The following PARD3 variants were observed in gnomAD, a reference collection of about 807,000 sequenced individuals.
PARD3 encodes par-3 family cell polarity regulator.
A neutral mutation model predicts 155.4 loss-of-function variants in PARD3; 75 were observed. That is an observed-to-expected ratio of 0.48 (90% confidence interval 0.40 to 0.58). The LOEUF (loss-of-function observed/expected upper bound fraction) is 0.58, where lower values mean the gene tolerates loss of function less well. PARD3 is among the 20% of genes least tolerant of loss of function. PARD3 has a pLI of 0.00. For missense variants in PARD3, 1,642 were observed against 1,721.7 expected, an observed-to-expected ratio of 0.95 and a Z score of 0.82; for synonymous variants, 576 against 610.5, an observed-to-expected ratio of 0.94 and a Z score of 0.83.
intron 5 of PARD3, among the ~76,000 whole-genome samples, chr10:34,445,789 A>T (rs2076707144): frequency 7.9e-6 from 1 of 126,900 alleles, no homozygotes; most frequent in African/African-American, 4.4e-5. Flanking sequence ...GCAGTATTTA[A>T]AAAAAAAAAA....
At chr10:34,225,390 G>C (rs1952538914) in intron 22 of PARD3, among the ~76,000 whole-genome samples, 1 of 151,602 alleles carries the variant, frequency 6.6e-6, no homozygotes, top group Non-Finnish European at 1.5e-5. Context: ...TTGTTGCCCA[G>C]GCTGGAGTGC....
rs779658592 is a variant in PARD3, at chr10:34,581,234, C to CT, written c.223-64076dup. On this transcript the variant is annotated intron_variant, in intron 2 of 24. Transcript: ENST00000374788. ...TTTTGGTTATTTTTCTTTTTCTTTT[C>CT]TTTTTTTTTTTTTTTTTTGAGACGG... is the stretch of plus-strand genomic sequence containing the variant. 7.6e-3 allele frequency among the ~76,000 whole-genome samples: 771 copies of CT among 101,212 alleles called. 42 individuals are homozygous for CT. The highest frequency in any genetic ancestry group is 0.017 in the South Asian group (50 of 2,916). The allele number at this position is 101,212 out of a possible 152,430, so 66.4% of individuals were successfully genotyped here.
intron 22 of PARD3, among the ~76,000 whole-genome samples, chr10:34,177,924 T>C (rs548716126): frequency 4.6e-5 from 7 of 152,344 alleles, no homozygotes; most frequent in African/African-American, 1.7e-4. Context: ...TTTCTTCAAC[T>C]GCTTCTCGCT....
At chr10:34,286,004 A>T (rs1299091299) in intron 20 of PARD3, among the ~76,000 whole-genome samples, 1 of 152,202 alleles carries the variant, frequency 6.6e-6, no homozygotes, top group African/African-American at 2.4e-5. Flanking sequence ...TGAAATCCAG[A>T]ATCTGACCAC....
chr10:34,294,967 CA>C (rs761216832), intron 20 of PARD3, among the ~76,000 whole-genome samples: 7 of 152,056 alleles, frequency 4.6e-5, no homozygotes, highest in Non-Finnish European at 8.8e-5. Flanking sequence ...CTTTGGGAGA[CA>C]GGGGTGGGAG....
chr10:34,190,711 C>T (rs985639351), intron 22 of PARD3, among the ~76,000 whole-genome samples: 1 of 152,086 alleles, frequency 6.6e-6, no homozygotes, highest in African/African-American at 2.4e-5. Context: ...ATGATAAATG[C>T]TGTAACCAGA....
chr10:34,661,375 G>A (rs1023377143), intron 2 of PARD3, among the ~76,000 whole-genome samples: 3 of 152,030 alleles, frequency 2.0e-5, no homozygotes, highest in Non-Finnish European at 4.4e-5. Context: ...AAAGTACCTC[G>A]GGACATTTAT....
chr10:34,482,539 T>C (rs1374365248), intron 3 of PARD3, among the ~76,000 whole-genome samples: 1 of 149,200 alleles, frequency 6.7e-6, no homozygotes, highest in Non-Finnish European at 1.5e-5. Context: ...TCAGGACAGG[T>C]AAAAGGCAAA....
At chr10:34,361,096 C>T (rs969942718) in intron 12 of PARD3, among the ~76,000 whole-genome samples, 2 of 152,228 alleles carry the variant, frequency 1.3e-5, no homozygotes. Context: ...AGAGGAAGCA[C>T]TCAGCCTTCT....
chr10:34,666,028 C>G (rs1011005186), intron 2 of PARD3, among the ~76,000 whole-genome samples: 14 of 151,744 alleles, frequency 9.2e-5, no homozygotes, highest in Non-Finnish European at 1.9e-4. Context: ...AGCTTGACAA[C>G]CAAGTGAGAC....
intron 2 of PARD3, among the ~76,000 whole-genome samples, chr10:34,645,787 G>A (rs968316395): frequency 4.6e-5 from 7 of 152,088 alleles, no homozygotes; most frequent in Non-Finnish European, 8.8e-5. Flanking sequence ...GTGGACAAAC[G>A]AAAGGTTATC....
chr10:34,773,809 A>G lies in PARD3; in HGVS notation c.120+41067T>C, dbSNP rs113471334. ...CCACTAGGCACTTAATGTTCTTCTCATAAACTTGATGGGGTTAAAGTGCCT... is the reference window on the plus strand; with the variant it reads ...CCACTAGGCACTTAATGTTCTTCTCGTAAACTTGATGGGGTTAAAGTGCCT... On this transcript the variant is annotated intron_variant, in intron 1 of 24. Coordinates refer to ENST00000374788, the MANE Select transcript of PARD3 (RefSeq NM_001184785.2). Among the ~76,000 whole-genome samples, 812 of 152,296 alleles carry G rather than the reference A, an allele frequency of 5.3e-3. 9 individuals are homozygous for G. The highest frequency in any genetic ancestry group is 0.019 in the African/African-American group (771 of 41,558).
At chr10:34,385,773 C>T (rs1274820009) in intron 7 of PARD3, among the ~76,000 whole-genome samples, 1 of 152,128 alleles carries the variant, frequency 6.6e-6, no homozygotes, top group African/African-American at 2.4e-5. Context: ...TATATACATA[C>T]CTTATCTCTA....
chr10:34,369,299 G>GATTT (rs762236370), intron 12 of PARD3, among the ~76,000 whole-genome samples: 16 of 134,826 alleles, frequency 1.2e-4, no homozygotes, highest in African/African-American at 4.5e-4. Flanking sequence ...AGATTTTTGT[G>GATTT]ATTTATTTAT....
chr10:34,429,389 C>CT lies in PARD3; in HGVS notation c.714+20927dup, dbSNP rs75681687. Among the ~76,000 whole-genome samples, 1,024 of 138,980 alleles carry CT rather than the reference C, an allele frequency of 7.4e-3. 5 individuals carry two copies. Among genetic ancestry groups the CT allele is most frequent in the African/African-American group, 0.014 (552 of 38,106 alleles). The allele number at this position is 138,980 out of a possible 152,430, so 91.2% of individuals were successfully genotyped here. A position where few individuals can be genotyped will look rare whatever the true frequency, so the allele number is the denominator to read the frequency against. On this transcript the variant is annotated intron_variant, in intron 5 of 24. Coordinates refer to ENST00000374788, the MANE Select transcript of PARD3 (RefSeq NM_001184785.2). ...ATTAGAACCACAAGTAAATAAAAAT[C>CT]TTTTTTTTTTTTTTCCTTTTTTTGA...
At chr10:34,779,765 G>C (rs905586181) in intron 1 of PARD3, among the ~76,000 whole-genome samples, 8 of 152,232 alleles carry the variant, frequency 5.3e-5, no homozygotes, top group African/African-American at 7.2e-5. Context: ...TCATTAGCTA[G>C]AACATTTCAA....
chr10:34,138,361 A>AC (rs1948008016), intron 22 of PARD3, among the ~76,000 whole-genome samples: 1 of 152,146 alleles, frequency 6.6e-6, no homozygotes, highest in Non-Finnish European at 1.5e-5. Context: ...TTAGGGTGAT[A>AC]CCTTTTGTCG....
At chr10:34,445,195 T>C (rs541639971) in intron 5 of PARD3, among the ~76,000 whole-genome samples, 29 of 152,320 alleles carry the variant, frequency 1.9e-4, no homozygotes, top group African/African-American at 7.0e-4. Flanking sequence ...CAGATGACTT[T>C]CCGGGAATGG....
intron 20 of PARD3, among the ~76,000 whole-genome samples, chr10:34,298,967 G>T (rs996873410): frequency 2.0e-5 from 3 of 152,150 alleles, no homozygotes; most frequent in African/African-American, 4.8e-5. Flanking sequence ...ACAGATCAAG[G>T]CATGGAGATA....
Sources: allele counts gnomAD v4.1 joint callset (sites outside exome capture counted in the v4.1 genomes callset), GRCh38; gene constraint gnomAD v4.1.1; transcripts MANE v1.5; gene names NCBI Gene and HGNC (gene_info 2026-07-23, HGNC 2026-07-21).